The following GPR137B variants were observed in gnomAD, a reference collection of about 807,000 sequenced individuals.
GPR137B encodes the protein integral membrane protein GPR137B.
In GPR137B, 42 loss-of-function variants were observed where a neutral mutation model predicts 42.5. The ratio of observed to expected loss-of-function variants is 0.99; its 90% CI spans 0.77 to 1.28. The LOEUF (loss-of-function observed/expected upper bound fraction) is 1.28. GPR137B is among the 50% of genes most tolerant of loss of function. The probability of loss-of-function intolerance (pLI) is 0.00; values close to 1 mark genes in which losing one functional copy is unlikely to be tolerated. For synonymous variants in GPR137B, 218 were observed against 209.7 expected (o/e 1.04, Z -0.34); for missense variants, 487 against 493.9 (o/e 0.99, Z 0.13).
At chr1:236,204,186 C>T (rs528063877) in intron 5 of GPR137B, among the ~76,000 whole-genome samples, 11 of 152,284 alleles carry the variant, frequency 7.2e-5, no homozygotes, top group East Asian at 3.9e-4. Context: ...TTTTATCTTT[C>T]ATTCTGTTAA....
rs556736307 is a variant in GPR137B at position 236,152,216 on chromosome 1, C to CT, written c.414+9183dup. 6.3e-3 allele frequency among the ~76,000 whole-genome samples: 956 copies of CT among 152,022 alleles called. 10 individuals carry two copies. Among genetic ancestry groups the CT allele is most frequent in the African/African-American group, 0.021 (884 of 41,458 alleles). On this transcript the variant is annotated intron_variant, in intron 1 of 6. Transcript: ENST00000366592. ...GTGAATTACACCTGTAATCCCAACACTTTGGGAGGACGAGGCAGGAGGTTC... is the reference window on the plus strand; with the variant it reads ...GTGAATTACACCTGTAATCCCAACACTTTTGGGAGGACGAGGCAGGAGGTTC...
intron 1 of GPR137B, among the ~76,000 whole-genome samples, chr1:236,166,379 G>A (rs1662353827): frequency 6.6e-6 from 1 of 150,620 alleles, no homozygotes; most frequent in Non-Finnish European, 1.5e-5. Context: ...CAGATAAAGT[G>A]GAACCAGGAC....
At position 236,155,885 on chromosome 1, in the gene GPR137B, A is replaced by G. The variant is rs946404382; in HGVS notation, c.415-12821A>G. 1.3e-5 allele frequency among the ~76,000 whole-genome samples: 2 copies of G among 152,200 alleles called. No homozygotes were observed. Among genetic ancestry groups the G allele is most frequent in the East Asian group, 3.9e-4 (2 of 5,194 alleles). On this transcript the variant is annotated intron_variant, in intron 1 of 6. Coordinates refer to ENST00000366592, the MANE Select transcript of GPR137B (RefSeq NM_003272.4). The surrounding 1 kb of genome is among the most constrained non-coding windows in gnomAD (Gnocchi z 4.6). The stretch of plus-strand genomic sequence containing the variant: ...AGGAATGCCTTGTGAGGACCAAGGT[A>G]GGGACATCCTGGGTGGGAGCTGAGC...
Position 236,208,554 on chromosome 1 carries a change from T to C in GPR137B, c.*396T>C. The stretch of plus-strand genomic sequence containing the variant: ...AATATAGAATATATGGTCTAATAGT[T>C]TTTTAAAGCTTTTGGACTAAAGTAT... On this transcript the variant is annotated 3_prime_UTR_variant, in exon 7 of 7. Coordinates refer to ENST00000366592, the MANE Select transcript of GPR137B (RefSeq NM_003272.4). 5 of 954,934 alleles carry C rather than the reference T, an allele frequency of 5.2e-6. No individual in the cohort carries two copies. Among genetic ancestry groups the C allele is most frequent in the Non-Finnish European group, 5.0e-6 (4 of 800,448 alleles). The allele number at this position is 954,934 out of a possible 1,614,324, so 59.2% of individuals were successfully genotyped here.
At chr1:236,197,523 T>C (rs1663374233) in intron 5 of GPR137B, among the ~76,000 whole-genome samples, 1 of 152,236 alleles carries the variant, frequency 6.6e-6, no homozygotes, top group African/African-American at 2.4e-5. Context: ...TTTCAGGTCT[T>C]AGATTTAAGT....
At chr1:236,194,098 A>G (rs982215542) in intron 5 of GPR137B, among the ~76,000 whole-genome samples, 1 of 152,156 alleles carries the variant, frequency 6.6e-6, no homozygotes, top group Non-Finnish European at 1.5e-5. Context: ...TAATCTCTCA[A>G]GATGTATAGA....
At chr1:236,192,711 A>G (rs1289575922) in intron 5 of GPR137B, among the ~76,000 whole-genome samples, 1 of 152,072 alleles carries the variant, frequency 6.6e-6, no homozygotes, top group Non-Finnish European at 1.5e-5. Flanking sequence ...CAGGTACCTC[A>G]GTTGGAAATG....
Position 236,150,634 on chromosome 1 carries a change from C to T in GPR137B, c.414+7598C>T, listed in dbSNP as rs1661831373. 2.6e-5 allele frequency among the ~76,000 whole-genome samples: 4 copies of T among 152,196 alleles called. No individual in the cohort carries two copies. The highest frequency in any genetic ancestry group is 5.9e-5 in the Non-Finnish European group (4 of 68,040). On this transcript the variant is annotated intron_variant, in intron 1 of 6. Transcript: ENST00000366592. The surrounding 1 kb of genome is among the most constrained non-coding windows in gnomAD (Gnocchi z 6.2). ...GACCATGCAGGAAGCCTGGACTTCC[C>T]CACAGCAGAGGCTGGGCTGAGGCTG...
At chr1:236,143,445 C>T (rs1661592685) in intron 1 of GPR137B, among the ~76,000 whole-genome samples, 1 of 152,246 alleles carries the variant, frequency 6.6e-6, no homozygotes, top group South Asian at 2.1e-4. Flanking sequence ...ACCTAACTCC[C>T]GGCCTGGAAA....
chr1:236,167,911 T>C (rs1010456777), intron 1 of GPR137B, among the ~76,000 whole-genome samples: 6 of 152,240 alleles, frequency 3.9e-5, no homozygotes, highest in African/African-American at 7.2e-5. Flanking sequence ...CCAGTGTGTG[T>C]GGGCAATCCA....
At chr1:236,208,001 A>T (rs1326384618) in intron 6 of GPR137B, 49 bp from the exon 7 acceptor site, 4 of 1,344,038 alleles carry the variant, frequency 3.0e-6, no homozygotes, top group Non-Finnish European at 4.2e-6. Flanking sequence ...ACTATGTCAT[A>T]CATACTATAT....
chr1:236,144,086 CT>C (rs56006687), intron 1 of GPR137B, among the ~76,000 whole-genome samples: 90,676 of 145,122 alleles, frequency 0.62, 27,760 homozygotes, highest in South Asian at 0.69. Context: ...TTTTAAGTGT[CT>C]TTTTTTTTTT....
At chr1:236,186,782 G>C (rs932333157) in intron 5 of GPR137B, among the ~76,000 whole-genome samples, 10 of 152,082 alleles carry the variant, frequency 6.6e-5, no homozygotes, top group African/African-American at 2.2e-4. Flanking sequence ...CTTGTGAATA[G>C]TGCTGCAGTA....
intron 1 of GPR137B, among the ~76,000 whole-genome samples, chr1:236,145,819 C>T (rs1228839102): frequency 6.6e-6 from 1 of 152,218 alleles, no homozygotes; most frequent in African/African-American, 2.4e-5. Context: ...AGCTGGGATT[C>T]AACACACATC....
At chr1:236,199,700 T>C (rs1290927683) in intron 5 of GPR137B, among the ~76,000 whole-genome samples, 1 of 152,062 alleles carries the variant, frequency 6.6e-6, no homozygotes, top group East Asian at 1.9e-4. Context: ...GTATCGGTTG[T>C]AATATCTCCC....
At chr1:236,190,362 G>A (rs897326556) in intron 5 of GPR137B, among the ~76,000 whole-genome samples, 14 of 152,192 alleles carry the variant, frequency 9.2e-5, no homozygotes, top group African/African-American at 3.1e-4. Context: ...GTGTGAATTT[G>A]ATCCTGACAT....
intron 1 of GPR137B, among the ~76,000 whole-genome samples, chr1:236,158,621 G>C (rs1662099968): frequency 6.6e-6 from 1 of 152,222 alleles, no homozygotes; most frequent in African/African-American, 2.4e-5. Flanking sequence ...GTGTGTGATA[G>C]AGACTGGTTT....
At chr1:236,189,389 A>C (rs1036045850) in intron 5 of GPR137B, among the ~76,000 whole-genome samples, 1 of 151,958 alleles carries the variant, frequency 6.6e-6, no homozygotes, top group African/African-American at 2.4e-5. Context: ...TTGCTTCCCA[A>C]GTTCTTTTAA....
intron 5 of GPR137B, among the ~76,000 whole-genome samples, chr1:236,199,407 A>AT (rs1663432136): frequency 2.6e-5 from 4 of 152,180 alleles, no homozygotes; most frequent in African/African-American, 9.7e-5. Context: ...GTTTCATAGA[A>AT]TGATTTAGGG....
Sources: gnomAD v4.1 joint callset for allele counts (sites outside exome capture counted in the v4.1 genomes callset) on GRCh38, gnomAD v4.1.1 for gene constraint, Gnocchi (gnomAD v3.1) non-coding constraint, MANE v1.5 for transcripts, NCBI Gene and HGNC (gene_info 2026-07-23, HGNC 2026-07-21) for gene names.